Variants in N4BP2L2 observed in about 807,000 individuals in gnomAD.
N4BP2L2 encodes the protein NEDD4 binding protein 2 like 2, also known as NEDD4-binding protein 2-like 2.
A neutral mutation model predicts 56.2 loss-of-function variants in N4BP2L2; 50 were observed. That is an observed-to-expected ratio of 0.89 (90% CI 0.71 to 1.13). The LOEUF (loss-of-function observed/expected upper bound fraction) is 1.13. Ranked by LOEUF, N4BP2L2 falls within the 50% of genes most tolerant of loss-of-function variation. N4BP2L2 has a pLI of 0.00. For missense variants in N4BP2L2, 689 were observed against 693.8 expected, an observed-to-expected ratio of 0.99 and a Z score of 0.08; for synonymous variants, 203 against 223.6, an observed-to-expected ratio of 0.91 and a Z score of 0.82.
intron 8 of N4BP2L2, among the ~76,000 whole-genome samples, chr13:32,438,001 T>C (rs933992698): frequency 1.3e-5 from 2 of 152,242 alleles, no homozygotes; most frequent in African/African-American, 4.8e-5. Context: ...AAAAATTTTA[T>C]TGACATAATA....
At chr13:32,498,421 A>G (rs1593880771) in intron 6 of N4BP2L2, among the ~76,000 whole-genome samples, 1 of 152,292 alleles carries the variant, frequency 6.6e-6, no homozygotes, top group East Asian at 1.9e-4. Flanking sequence ...ATCTTGGCTC[A>G]CTGCAATCTC....
intron 6 of N4BP2L2, among the ~76,000 whole-genome samples, chr13:32,467,418 C>T (rs1157648105): frequency 6.6e-6 from 1 of 151,814 alleles, no homozygotes; most frequent in Non-Finnish European, 1.5e-5. Flanking sequence ...CCACCATGCC[C>T]AGCTAATTTT....
downstream of N4BP2L2, chr13:32,506,826 A>G (rs963432498): frequency 3.9e-5 from 6 of 152,206 alleles, no homozygotes; most frequent in Non-Finnish European, 8.8e-5. Flanking sequence ...AAACAGTAAC[A>G]TCATCCAGGA....
chr13:32,482,989 T>G (rs536587628), intron 6 of N4BP2L2, among the ~76,000 whole-genome samples: 2 of 152,354 alleles, frequency 1.3e-5, no homozygotes, highest in Non-Finnish European at 2.9e-5. Context: ...TGCTCTAAAT[T>G]CAATTACTTT....
At chr13:32,483,990 G>GAAAAA (rs11424749) in intron 6 of N4BP2L2, among the ~76,000 whole-genome samples, 1 of 118,812 alleles carries the variant, frequency 8.4e-6, no homozygotes, top group Admixed American at 9.3e-5. Flanking sequence ...ATCTAAAAAA[G>GAAAAA]AAAAAAAAAA....
chr13:32,501,559 A>G (rs539360679), intron 6 of N4BP2L2, among the ~76,000 whole-genome samples: 1 of 152,276 alleles, frequency 6.6e-6, no homozygotes, highest in Non-Finnish European at 1.5e-5. Flanking sequence ...TCACGCCTGT[A>G]ATCCCAGCAC....
rs182245340 is a variant in N4BP2L2, at chr13:32,498,973, A to C, written c.365+18884T>G. Among the ~76,000 whole-genome samples the C allele has an allele frequency of 6.0e-3, 848 of 140,778 alleles. 9 individuals are homozygous for C. The highest frequency in any genetic ancestry group is 0.021 in the African/African-American group (804 of 37,778). 92.4% of individuals were successfully genotyped at this position (140,778 alleles called of 152,430 possible). A position where few individuals can be genotyped will look rare whatever the true frequency, so the allele number is the denominator to read the frequency against. ...CATTGCACTCCAGACTGGGTGACAGAGCAAGACTCTGTCTAAAAAAAAAAA... is the reference window on the plus strand; with the variant it reads ...CATTGCACTCCAGACTGGGTGACAGCGCAAGACTCTGTCTAAAAAAAAAAA... On this transcript the variant is annotated intron_variant, in intron 6 of 9. Transcript: ENST00000357505.
At chr13:32,496,042 T>C (rs1380299367) in intron 6 of N4BP2L2, among the ~76,000 whole-genome samples, 1 of 152,140 alleles carries the variant, frequency 6.6e-6, no homozygotes, top group African/African-American at 2.4e-5. Context: ...GTTGCCTTCA[T>C]GTGGTTGGTT....
chr13:32,469,933 A>T (rs2081991204), intron 6 of N4BP2L2, among the ~76,000 whole-genome samples: 1 of 152,160 alleles, frequency 6.6e-6, no homozygotes, highest in African/African-American at 2.4e-5. Context: ...TGCCTTGCTC[A>T]GAGGGACACT....
At chr13:32,531,711 T>C (rs557220892) in intron 2 of N4BP2L2, among the ~76,000 whole-genome samples, 1 of 152,256 alleles carries the variant, frequency 6.6e-6, no homozygotes, top group South Asian at 2.1e-4. Context: ...TCTCCTCCCA[T>C]CTCTCTCTAA....
rs2087402651 is a variant in N4BP2L2 at position 32,492,511 on chromosome 13, A to G, written c.365+25346T>C. 3.9e-5 allele frequency among the ~76,000 whole-genome samples: 6 copies of G among 152,134 alleles called. No homozygotes were observed. The South Asian group carries it at 1.2e-3, about 32-fold the overall frequency. ...GCATCTGTTTTCTTATCAGAAGTTA[A>G]TATATTTAAGATGAAAATTCATTTG... On this transcript the variant is annotated intron_variant, in intron 6 of 9. Transcript: ENST00000357505.
chr13:32,434,579 C>T (rs969674835), intron 9 of N4BP2L2, among the ~76,000 whole-genome samples: 1 of 152,062 alleles, frequency 6.6e-6, no homozygotes, highest in African/African-American at 2.4e-5. Flanking sequence ...GCCCCACTGC[C>T]GTAAAGGAGT....
At chr13:32,491,535 C>CTA (rs1196526738) in intron 6 of N4BP2L2, among the ~76,000 whole-genome samples, 1 of 146,006 alleles carries the variant, frequency 6.8e-6, no homozygotes, top group Admixed American at 6.9e-5. Flanking sequence ...ACTATATAAA[C>CTA]TATATATATA....
chr13:32,495,644 G>C (rs1051074084), intron 6 of N4BP2L2, among the ~76,000 whole-genome samples: 2 of 152,014 alleles, frequency 1.3e-5, no homozygotes, highest in Non-Finnish European at 2.9e-5. Flanking sequence ...TACCCAGCAG[G>C]AGACACCAGT....
chr13:32,498,641 C>T (rs1440647519), intron 6 of N4BP2L2, among the ~76,000 whole-genome samples: 1 of 152,038 alleles, frequency 6.6e-6, no homozygotes, highest in Non-Finnish European at 1.5e-5. Context: ...CACACCCGGA[C>T]CTAGTAATCA....
chr13:32,497,864 C>T (rs2089112532), intron 6 of N4BP2L2, among the ~76,000 whole-genome samples: 1 of 152,176 alleles, frequency 6.6e-6, no homozygotes, highest in Non-Finnish European at 1.5e-5. Flanking sequence ...ATGCTGCACA[C>T]CAAACAGTGC....
chr13:32,440,226 G>A (rs2076099314), intron 7 of N4BP2L2, among the ~76,000 whole-genome samples: 1 of 152,008 alleles, frequency 6.6e-6, no homozygotes. Context: ...CAGAAGCTTA[G>A]GAGCCAAGTT....
intron 1 of N4BP2L2, among the ~76,000 whole-genome samples, 178 bp downstream of exon 1, chr13:32,538,440 T>C (rs889322102): frequency 2.0e-5 from 3 of 152,158 alleles, no homozygotes; most frequent in Admixed American, 1.3e-4. Flanking sequence ...CCCAGCTTTT[T>C]TGTCCCAGTG....
At chr13:32,509,986 A>G (rs1174931136), downstream of N4BP2L2, among the ~76,000 whole-genome samples, 2 of 152,132 alleles carry the variant, frequency 1.3e-5, no homozygotes, top group African/African-American at 4.8e-5. Flanking sequence ...GTACTTCAAG[A>G]TTTTCCTTGT....
Sources: allele counts gnomAD v4.1 joint callset (sites outside exome capture counted in the v4.1 genomes callset), GRCh38; gene constraint gnomAD v4.1.1; transcripts MANE v1.5; gene names NCBI Gene and HGNC (gene_info 2026-07-23, HGNC 2026-07-21).